MGST2: variants seen among roughly 807,000 people sequenced by gnomAD.
MGST2 encodes microsomal glutathione S-transferase 2, also known as glutathione peroxidase MGST2.
A neutral mutation model predicts 16.6 loss-of-function variants in MGST2; 9 were observed. That is an observed-to-expected ratio of 0.54 (90% CI 0.33 to 0.95). MGST2 has a LOEUF of 0.95. MGST2 is among the 40% of genes least tolerant of loss of function. The pLI, the probability that MGST2 is intolerant of heterozygous loss-of-function variation, is 0.03. For missense variants in MGST2, 159 were observed against 175.1 expected, an observed-to-expected ratio of 0.91 and a Z score of 0.52; for synonymous variants, 79 against 68.0, an observed-to-expected ratio of 1.16 and a Z score of -0.79.
intron 5 of MGST2, chr4:139,719,444 T>G (rs368733336): frequency 9.9e-6 from 16 of 1,613,874 alleles, no homozygotes; most frequent in Non-Finnish European, 1.3e-5. Flanking sequence ...CCCAGCTCCG[T>G]CGCCACTGTA....
chr4:139,676,389 G>A (rs1042098183), intron 1 of MGST2, among the ~76,000 whole-genome samples: 2 of 152,128 alleles, frequency 1.3e-5, no homozygotes, highest in Admixed American at 1.3e-4. Flanking sequence ...CACACACGGA[G>A]AATTATTTTA....
chr4:139,717,830 AG>A (rs1728049769), intron 5 of MGST2: 1 of 152,406 alleles, frequency 6.6e-6, no homozygotes, highest in East Asian at 1.9e-4. Context: ...GTCCTCCAAA[AG>A]GGGGATTGGG....
intron 5 of MGST2, among the ~76,000 whole-genome samples, chr4:139,722,149 G>A (rs1250615036): frequency 6.6e-6 from 1 of 152,156 alleles, no homozygotes; most frequent in Non-Finnish European, 1.5e-5. Flanking sequence ...TGAGAAATAG[G>A]TTCCTTTCTT....
At chr4:139,746,717 C>T in the MGST2 span, among the ~76,000 whole-genome samples, 1 of 152,182 alleles carries the variant, frequency 6.6e-6, no homozygotes, top group Admixed American at 6.5e-5. Flanking sequence ...CCTTTCACCT[C>T]CCCCCTTCTC....
intron 1 of MGST2, among the ~76,000 whole-genome samples, chr4:139,668,751 C>T (rs1348961704): frequency 6.6e-6 from 1 of 152,022 alleles, no homozygotes; most frequent in African/African-American, 2.4e-5. Context: ...GGGGTATGTA[C>T]AGGTATGGGC....
At chr4:139,686,447 G>C (rs558345862) in intron 2 of MGST2, among the ~76,000 whole-genome samples, 127 of 152,322 alleles carry the variant, frequency 8.3e-4, no homozygotes, top group Non-Finnish European at 1.5e-3. Flanking sequence ...ATCATGGCCT[G>C]AAACAGCCTC....
downstream of MGST2, among the ~76,000 whole-genome samples, chr4:139,707,734 G>T (rs1333091488): frequency 2.0e-4 from 31 of 151,702 alleles, no homozygotes; most frequent in African/African-American, 4.1e-4. Flanking sequence ...CCTGACTTTT[G>T]AATGATCGCC....
chr4:139,731,909 C>T (rs1384598983), intron 5 of MGST2, among the ~76,000 whole-genome samples: 1 of 152,186 alleles, frequency 6.6e-6, no homozygotes, highest in Non-Finnish European at 1.5e-5. Flanking sequence ...AATTTCTAGA[C>T]ACTTCCTTTC....
the MGST2 span, among the ~76,000 whole-genome samples, chr4:139,750,834 C>T: frequency 5.9e-5 from 9 of 152,158 alleles, no homozygotes; most frequent in African/African-American, 1.9e-4. Context: ...ACTCCCTACC[C>T]CCTTTTAAAA....
chr4:139,678,705 T>A, intron 2 of MGST2, 63 bp downstream of exon 2: 1 of 1,271,030 alleles, frequency 7.9e-7, no homozygotes, highest in African/African-American at 1.5e-5. Flanking sequence ...AATTCCTGAC[T>A]AGGGGAAAGG....
intron 1 of MGST2, among the ~76,000 whole-genome samples, chr4:139,672,206 C>T (rs8192035): frequency 1.7e-3 from 252 of 152,294 alleles, no homozygotes; most frequent in African/African-American, 5.8e-3. Context: ...TTGCTTACTC[C>T]CAGCCTCATT....
chr4:139,687,568 A>G (rs998952607), intron 2 of MGST2: 1 of 152,238 alleles, frequency 6.6e-6, no homozygotes, highest in African/African-American at 2.4e-5. Flanking sequence ...CTTAGAGCTT[A>G]GAGGTCCAGC....
chr4:139,734,549 G>A (rs546862074), intron 5 of MGST2, among the ~76,000 whole-genome samples: 2 of 152,212 alleles, frequency 1.3e-5, no homozygotes, highest in African/African-American at 4.8e-5. Context: ...CAAAACCAAC[G>A]AACCTATTTT....
intron 2 of MGST2, among the ~76,000 whole-genome samples, chr4:139,691,673 G>GATTATTATT (rs1560747685): frequency 5.6e-5 from 7 of 125,862 alleles, no homozygotes; most frequent in Admixed American, 3.0e-4. Flanking sequence ...GTCAGATGAT[G>GATTATTATT]ATGATGATGA....
intron 5 of MGST2, among the ~76,000 whole-genome samples, chr4:139,726,079 G>A (rs1294223995): frequency 1.3e-5 from 2 of 152,140 alleles, no homozygotes; most frequent in African/African-American, 2.4e-5. Context: ...GGAGCCCCTC[G>A]TGCCCCTTCC....
intron 5 of MGST2, among the ~76,000 whole-genome samples, chr4:139,722,996 G>A (rs555537407): frequency 5.3e-5 from 8 of 152,332 alleles, no homozygotes; most frequent in African/African-American, 1.2e-4. Flanking sequence ...TCCACGTCAC[G>A]AATAGAAAAT....
At position 139,678,622 on chromosome 4, in the gene MGST2, TGA is replaced by T. The variant is rs1208906148; in HGVS notation, c.144_145del (p.Arg48SerfsTer54). ...CAGCAGTCACTGGGTCACCAGAGTT[TGA>T]GAGAGTATTTCGGGCACAGTAAGTA... is the stretch of plus-strand genomic sequence containing the variant. ...PPAVTGSPEF[E>X]RVFRAQQNCV... On this transcript the variant is annotated frameshift_variant, in exon 2 of 5. Transcript: ENST00000265498. LOFTEE classifies it high-confidence loss of function. 2 of 1,613,638 alleles carry T rather than the reference TGA, an allele frequency of 1.2e-6. No homozygotes were observed. Among genetic ancestry groups the T allele is most frequent in the Non-Finnish European group, 1.7e-6 (2 of 1,179,714 alleles).
intron 5 of MGST2, among the ~76,000 whole-genome samples, chr4:139,729,565 C>T (rs1728618924): frequency 6.6e-6 from 1 of 152,208 alleles, no homozygotes; most frequent in African/African-American, 2.4e-5. Flanking sequence ...CAACCTCACA[C>T]CTCCTATAAG....
intron 5 of MGST2, chr4:139,725,663 C>T: frequency 7.9e-7 from 1 of 1,261,606 alleles, no homozygotes; most frequent in Non-Finnish European, 1.1e-6. Context: ...GACACAAATA[C>T]AGCCAGTAAG....
Sources: gnomAD v4.1 joint callset for allele counts (sites outside exome capture counted in the v4.1 genomes callset) on GRCh38, gnomAD v4.1.1 for gene constraint, MANE v1.5 for transcripts, NCBI Gene and HGNC (gene_info 2026-07-23, HGNC 2026-07-21) for gene names.